Variants in MRC1 observed in about 807,000 individuals in gnomAD.
MRC1 encodes macrophage mannose receptor 1.
Under a neutral mutation model 102.9 loss-of-function variants are expected in MRC1, and 62 were observed. That is an observed-to-expected ratio of 0.60 (90% CI 0.49 to 0.74). MRC1 has a LOEUF of 0.74. Among genes scored for constraint, MRC1 ranks in the 30% least tolerant of loss-of-function variants. The pLI is 0.00. For synonymous variants in MRC1, 457 were observed against 298.4 expected, an observed-to-expected ratio of 1.53 and a Z score of -5.48; for missense variants, 1,237 against 862.8, an observed-to-expected ratio of 1.43 and a Z score of -5.43.
intron 18 of MRC1, among the ~76,000 whole-genome samples, chr10:17,878,574 G>C (rs2130687369): frequency 6.6e-6 from 1 of 152,180 alleles, no homozygotes; most frequent in East Asian, 1.9e-4. Flanking sequence ...ACGTCCTCCT[G>C]GCTCATGTGC....
At chr10:17,847,699 T>TCA (rs1838846255) in intron 6 of MRC1, among the ~76,000 whole-genome samples, 2 of 152,230 alleles carry the variant, frequency 1.3e-5, no homozygotes, top group Non-Finnish European at 2.9e-5. Flanking sequence ...GCACATGAGC[T>TCA]GTGGCTAGAG....
intron 7 of MRC1, among the ~76,000 whole-genome samples, chr10:17,850,334 T>C (rs1387088753): frequency 6.1e-5 from 9 of 148,342 alleles, no homozygotes; most frequent in Non-Finnish European, 1.3e-4. Context: ...CTACGGTGGC[T>C]CATGCCTGTA....
intron 23 of MRC1, among the ~76,000 whole-genome samples, chr10:17,895,734 G>A (rs1456527916): frequency 3.3e-5 from 5 of 152,182 alleles, no homozygotes; most frequent in Admixed American, 1.3e-4. Flanking sequence ...GGGCAGGTGA[G>A]CCCCGAAATT....
At chr10:17,862,416 T>C (rs1833197802) in intron 10 of MRC1, among the ~76,000 whole-genome samples, 1 of 152,200 alleles carries the variant, frequency 6.6e-6, no homozygotes, top group Admixed American at 6.5e-5. Flanking sequence ...GGTAAACTGC[T>C]CACCTTTAAG....
rs1838617418 is a variant in MRC1 at position 17,833,700 on chromosome 10, TAA to T, written c.665_666del (p.Lys222ArgfsTer31). On this transcript the variant is annotated frameshift_variant, in exon 4 of 30. Coordinates refer to ENST00000569591, the MANE Select transcript of MRC1 (RefSeq NM_002438.4). LOFTEE classifies it high-confidence loss of function. Reference protein sequence around the residue: ...KFEGSESLWNKDPLTSVSYQI... With the variant: ...KFEGSESLWNXDPLTSVSYQI... ...TTGAGGGCAGTGAAAGCTTATGGAATAAAGACCCGCTGACCAGCGTTTCCTAC... is the reference window on the plus strand; with the variant it reads ...TTGAGGGCAGTGAAAGCTTATGGAATAGACCCGCTGACCAGCGTTTCCTAC... The T allele has an allele frequency of 3.8e-6, 3 of 780,922 alleles. No individual in the cohort carries two copies. The highest frequency in any genetic ancestry group is 7.2e-6 in the Non-Finnish European group (3 of 418,134). 48.4% of individuals were successfully genotyped at this position (780,922 alleles called of 1,614,324 possible). A position where few individuals can be genotyped will look rare whatever the true frequency, so the allele number is the denominator to read the frequency against.
intron 1 of MRC1, among the ~76,000 whole-genome samples, chr10:17,815,199 G>T (rs1838291945): frequency 6.6e-6 from 1 of 152,094 alleles, no homozygotes; most frequent in South Asian, 2.1e-4. Context: ...TTACAGATGG[G>T]GAAGTGGAAG....
At position 17,910,254 on chromosome 10, in the gene MRC1, A is replaced by C. The variant is rs1589198965; in HGVS notation, c.4160A>C (p.Asn1387Thr). Residue 1387 changes from asparagine (N) to threonine (T), a missense_variant, in exon 30 of 30, where the codon AAC (asparagine) becomes ACC (threonine). Asn to Thr is a moderately conservative substitution (Grantham distance 65, BLOSUM62 0). Transcript: ENST00000569591. Reference protein sequence around the residue: ...RKMDPSKPSSNVAGVVIIVIL... With the variant: ...RKMDPSKPSSTVAGVVIIVIL... Reference sequence around the variant, plus strand: ...ATGGACCCTTCTAAACCGTCTTCCAACGTGGCCGGAGTAGTCATCATTGTG... The same window carrying C: ...ATGGACCCTTCTAAACCGTCTTCCACCGTGGCCGGAGTAGTCATCATTGTG... 3 of 780,882 alleles carry C rather than the reference A, an allele frequency of 3.8e-6. No individual in the cohort carries two copies. The highest frequency in any genetic ancestry group is 1.3e-5 in the South Asian group (1 of 74,622). 48.4% of individuals were successfully genotyped at this position (780,882 alleles called of 1,614,324 possible).
chr10:17,910,141 C>A (rs1438132962), intron 29 of MRC1, 74 bp from the exon 30 acceptor site: 1 of 770,686 alleles, frequency 1.3e-6, no homozygotes. Flanking sequence ...AGTTTTTCAA[C>A]AAGCGAAGTT....
chr10:17,900,929 T>C lies in MRC1; in HGVS notation c.3625T>C (p.Tyr1209His). The C allele has an allele frequency of 1.3e-6, 1 of 780,572 alleles. No individual in the cohort carries two copies. Among genetic ancestry groups the C allele is most frequent in the South Asian group, 1.3e-5 (1 of 74,476 alleles). The allele number at this position is 780,572 out of a possible 1,614,324, so 48.4% of individuals were successfully genotyped here. ...GACAGCACATTGCAATGAAAGTTTT[T>C]ACTTTCTCTGTAAAAGATCAGATGG... ...WKTAHCNESFYFLCKRSDEIP... is the reference protein window; with the variant it reads ...WKTAHCNESFHFLCKRSDEIP... The change falls in exon 25 of 30, where the codon TAC becomes CAC. Residue 1209 changes from tyrosine (Y) to histidine (H), a missense_variant. Tyr to His is a moderately conservative substitution (Grantham distance 83, BLOSUM62 2). Coordinates refer to ENST00000569591, the MANE Select transcript of MRC1 (RefSeq NM_002438.4).
intron 2 of MRC1, among the ~76,000 whole-genome samples, chr10:17,826,568 G>C (rs1589165971): frequency 6.6e-6 from 1 of 152,190 alleles, no homozygotes; most frequent in African/African-American, 2.4e-5. Flanking sequence ...ATGTCAGTTG[G>C]TGGCAAGAGG....
intron 18 of MRC1, among the ~76,000 whole-genome samples, chr10:17,878,273 AC>A (rs1833464235): frequency 6.6e-6 from 1 of 152,234 alleles, no homozygotes; most frequent in Non-Finnish European, 1.5e-5. Context: ...ATATACAAAT[AC>A]TGAATTTATT....
chr10:17,830,702 T>C (rs1426929629), intron 3 of MRC1, among the ~76,000 whole-genome samples: 6 of 151,334 alleles, frequency 4.0e-5, no homozygotes, highest in Admixed American at 2.6e-4. Flanking sequence ...CTTGGGGAGA[T>C]GGTATGCAAT....
chr10:17,879,961 C>A (rs1833491060), intron 19 of MRC1, 140 bp downstream of exon 19: 3 of 735,706 alleles, frequency 4.1e-6, no homozygotes, highest in Admixed American at 1.9e-5. Context: ...ATTTTGGCAG[C>A]CTAACAGTTC....
chr10:17,876,820 T>A (rs1041540741), intron 17 of MRC1, among the ~76,000 whole-genome samples: 2 of 152,174 alleles, frequency 1.3e-5, no homozygotes, highest in African/African-American at 4.8e-5. Context: ...TTGATATACC[T>A]ATCACTGAAG....
intron 29 of MRC1, 67 bp from the exon 30 acceptor site, chr10:17,910,148 A>G: frequency 1.3e-6 from 1 of 773,954 alleles, no homozygotes; most frequent in South Asian, 1.4e-5. Context: ...CAACAAGCGA[A>G]GTTCTGCATA....
At chr10:17,891,359 G>C (rs1833673114) in intron 22 of MRC1, among the ~76,000 whole-genome samples, 1 of 151,776 alleles carries the variant, frequency 6.6e-6, no homozygotes, top group South Asian at 2.1e-4. Context: ...CTAGAGACGG[G>C]GTTTCACTGT....
intron 7 of MRC1, 119 bp downstream of exon 7, chr10:17,849,883 A>T (rs1238039471): frequency 8.1e-6 from 5 of 616,450 alleles, no homozygotes; most frequent in Non-Finnish European, 1.5e-5. Flanking sequence ...CAATAATTCA[A>T]CGAACAACGT....
chr10:17,809,689 C>T (rs934290766), intron 1 of MRC1, among the ~76,000 whole-genome samples, 163 bp downstream of exon 1: 140 of 152,164 alleles, frequency 9.2e-4, no homozygotes, highest in Middle Eastern at 6.8e-3. Flanking sequence ...CTTCACCTGG[C>T]GGCCAGGCAT....
At chr10:17,812,345 A>C (rs1554837499) in intron 1 of MRC1, among the ~76,000 whole-genome samples, 1 of 152,198 alleles carries the variant, frequency 6.6e-6, no homozygotes, top group Non-Finnish European at 1.5e-5. Flanking sequence ...AGACCACAGC[A>C]AAGAAGTTTA....
Sources: allele counts gnomAD v4.1 joint callset (sites outside exome capture counted in the v4.1 genomes callset), GRCh38; gene constraint gnomAD v4.1.1; transcripts MANE v1.5; gene names NCBI Gene and HGNC (gene_info 2026-07-23, HGNC 2026-07-21).